The following TIMM13 variants were observed in gnomAD, a reference collection of about 807,000 sequenced individuals.
The protein encoded by TIMM13 is translocase of inner mitochondrial membrane 13, also known as mitochondrial import inner membrane translocase subunit Tim13.
A neutral mutation model predicts 10.9 loss-of-function variants in TIMM13; 8 were observed. The ratio of observed to expected loss-of-function variants is 0.73; its 90% CI spans 0.43 to 1.32. TIMM13 has a LOEUF of 1.32. Ranked by LOEUF, TIMM13 falls within the 40% of genes most tolerant of loss-of-function variation. TIMM13 has a pLI of 0.01. For missense variants in TIMM13, 147 were observed against 132.8 expected, an observed-to-expected ratio of 1.11 and a Z score of -0.53; for synonymous variants, 68 against 52.5, an observed-to-expected ratio of 1.30 and a Z score of -1.28.
At chr19:2,427,355 C>A (rs545812761) in intron 1 of TIMM13, 31 bp from the exon 2 acceptor site, 1 of 1,612,678 alleles carries the variant, frequency 6.2e-7, no homozygotes, top group Non-Finnish European at 8.5e-7. Flanking sequence ...TTAGCCGCGA[C>A]GTCGGCCCCC....
At chr19:2,427,145 C>T (rs1020517207) in intron 2 of TIMM13, 99 bp from the exon 3 acceptor site, 26 of 1,566,106 alleles carry the variant, frequency 1.7e-5, no homozygotes, top group Non-Finnish European at 1.8e-5. Flanking sequence ...AGACTACGCA[C>T]GTGCAGTGAC....
At chr19:2,427,390 G>A (rs749610407) in intron 1 of TIMM13, 24 bp downstream of exon 1, 2 of 1,611,808 alleles carry the variant, frequency 1.2e-6, no homozygotes, top group South Asian at 1.1e-5. Context: ...CGCCCCCAGC[G>A]CCCGTCCCCG....
In TIMM13 at chr19:2,426,418, C is replaced by T. The variant is rs1473240176; in HGVS notation, c.*530G>A. The T allele has an allele frequency of 6.2e-6, 2 of 323,532 alleles. No homozygotes were observed. Among genetic ancestry groups the T allele is most frequent in the African/African-American group, 4.5e-5 (2 of 44,746 alleles). 20.0% of individuals were successfully genotyped at this position (323,532 alleles called of 1,614,324 possible). On this transcript the variant is annotated 3_prime_UTR_variant, in exon 3 of 3. Coordinates refer to ENST00000215570, the MANE Select transcript of TIMM13 (RefSeq NM_012458.4). ...GCAGGGGTGGCAGCAGCAACACATT[C>T]CTCGTGACTCAGCAGCCCGGTGGCA...
rs776276203 is a variant in TIMM13, at chr19:2,425,913, T to C, written c.*1035A>G. The C allele has an allele frequency of 1.3e-6, 2 of 1,576,152 alleles. No homozygotes were observed. Among genetic ancestry groups the C allele is most frequent in the Admixed American group, 4.0e-5 (2 of 49,746 alleles). ...GTACCGGCCTCTGAACCCCCTTTCT[T>C]CTCTCCCCAACAGGGTGACGCTGGG... is the stretch of plus-strand genomic sequence containing the variant. On this transcript the variant is annotated 3_prime_UTR_variant, in exon 3 of 3. Transcript: ENST00000215570.
chr19:2,426,659 G>A lies in TIMM13; in HGVS notation c.*289C>T, dbSNP rs1971642824. 3.9e-6 allele frequency: 2 copies of A among 513,230 alleles called. No individual in the cohort carries two copies. Among genetic ancestry groups the A allele is most frequent in the African/African-American group, 3.9e-5 (2 of 51,656 alleles). 31.8% of individuals were successfully genotyped at this position (513,230 alleles called of 1,614,324 possible). On this transcript the variant is annotated 3_prime_UTR_variant, in exon 3 of 3. Coordinates refer to ENST00000215570, the MANE Select transcript of TIMM13 (RefSeq NM_012458.4). ...ACTCCGAAGTCCAGACAAGCTGTCCGCCCAGAATATGAGGCTGACTTGGGC... is the reference window on the plus strand; with the variant it reads ...ACTCCGAAGTCCAGACAAGCTGTCCACCCAGAATATGAGGCTGACTTGGGC...
At position 2,425,834 on chromosome 19, in the gene TIMM13, GTC is replaced by G; in HGVS notation, c.*1112_*1113del. On this transcript the variant is annotated 3_prime_UTR_variant, in exon 3 of 3. Transcript: ENST00000215570. ...AGTGAAAATGCGGCTCCCAGGGGAA[GTC>G]ACTAGGGTCACTCCTAGAGGGGCCA... 1 of 1,452,748 alleles carries G rather than the reference GTC, an allele frequency of 6.9e-7. No homozygotes were observed. The highest frequency in any genetic ancestry group is 9.1e-7 in the Non-Finnish European group (1 of 1,100,998). 90.0% of individuals were successfully genotyped at this position (1,452,748 alleles called of 1,614,324 possible).
Position 2,426,220 on chromosome 19 carries a change from G to C in TIMM13, c.*728C>G. ...GCTGTGGGTCATGGGGATGCATTTT[G>C]GTACCACCCTTTGTTCCAATAAACA... On this transcript the variant is annotated 3_prime_UTR_variant, in exon 3 of 3. Transcript: ENST00000215570. 3 of 1,193,272 alleles carry C rather than the reference G, an allele frequency of 2.5e-6. No homozygotes were observed. The highest frequency in any genetic ancestry group is 3.5e-6 in the Non-Finnish European group (3 of 867,090). 73.9% of individuals were successfully genotyped at this position (1,193,272 alleles called of 1,614,324 possible). A position where few individuals can be genotyped will look rare whatever the true frequency, so the allele number is the denominator to read the frequency against.
Position 2,427,185 on chromosome 19 carries a change from G to A in TIMM13, c.189+71C>T, listed in dbSNP as rs1599325879. 7 of 1,585,130 alleles carry A rather than the reference G, an allele frequency of 4.4e-6. No homozygotes were observed. The East Asian group carries it at 1.1e-4, about 26-fold the overall frequency. On this transcript the variant is annotated intron_variant, in intron 2 of 2. Coordinates refer to ENST00000215570, the MANE Select transcript of TIMM13 (RefSeq NM_012458.4). ...CCGTCGCACCTCCCCGTTAGTCTGCGCACGCGCAGACACCTCCCCCCTCGA... is the reference window on the plus strand; with the variant it reads ...CCGTCGCACCTCCCCGTTAGTCTGCACACGCGCAGACACCTCCCCCCTCGA...
chr19:2,427,353 G>A (rs1971664071), intron 1 of TIMM13, 29 bp from the exon 2 acceptor site: 1 of 1,612,814 alleles, frequency 6.2e-7, no homozygotes, highest in African/African-American at 1.3e-5. Flanking sequence ...CTTTAGCCGC[G>A]ACGTCGGCCC....
chr19:2,426,671 A>C lies in TIMM13; in HGVS notation c.*277T>G, dbSNP rs1313636646. On this transcript the variant is annotated 3_prime_UTR_variant, in exon 3 of 3. Coordinates refer to ENST00000215570, the MANE Select transcript of TIMM13 (RefSeq NM_012458.4). The stretch of plus-strand genomic sequence containing the variant: ...AGACAAGCTGTCCGCCCAGAATATG[A>C]GGCTGACTTGGGCACACTAGGGGAA... 1.9e-6 allele frequency: 1 copy of C among 536,280 alleles called. No homozygotes were observed. 33.2% of individuals were successfully genotyped at this position (536,280 alleles called of 1,614,324 possible). A position where few individuals can be genotyped will look rare whatever the true frequency, so the allele number is the denominator to read the frequency against.
chr19:2,425,777 T>C lies in TIMM13; in HGVS notation c.*1171A>G, dbSNP rs534837455. 4.9e-3 allele frequency: 6,194 copies of C among 1,265,706 alleles called. 19 individuals carry two copies. Among genetic ancestry groups the C allele is most frequent in the South Asian group, 7.7e-3 (488 of 63,212 alleles). 78.4% of individuals were successfully genotyped at this position (1,265,706 alleles called of 1,614,324 possible). A position where few individuals can be genotyped will look rare whatever the true frequency, so the allele number is the denominator to read the frequency against. On this transcript the variant is annotated 3_prime_UTR_variant, in exon 3 of 3. Transcript: ENST00000215570. ...CACGTGGCGGGTGTCCATAAATGTC[T>C]GCCACCTTTGCATTGAGCCCATTTT...
In TIMM13 at chr19:2,425,713, G is replaced by A; in HGVS notation, c.*1235C>T. 1.7e-6 allele frequency: 2 copies of A among 1,165,642 alleles called. No homozygotes were observed. Among genetic ancestry groups the A allele is most frequent in the Non-Finnish European group, 2.3e-6 (2 of 867,722 alleles). 72.2% of individuals were successfully genotyped at this position (1,165,642 alleles called of 1,614,324 possible). On this transcript the variant is annotated 3_prime_UTR_variant, in exon 3 of 3. Coordinates refer to ENST00000215570, the MANE Select transcript of TIMM13 (RefSeq NM_012458.4). ...TCCCCGGGCCTCGGCGGCAGAGCAG[G>A]CAGAGGCTGCAGTGGGAGGCACCGT...
In TIMM13 at chr19:2,425,728, G is replaced by C. The variant is rs1388568638; in HGVS notation, c.*1220C>G. ...GGCAGAGCAGGCAGAGGCTGCAGTG[G>C]GAGGCACCGTTCCACTCCGGGACCA... On this transcript the variant is annotated 3_prime_UTR_variant, in exon 3 of 3. Coordinates refer to ENST00000215570, the MANE Select transcript of TIMM13 (RefSeq NM_012458.4). The C allele has an allele frequency of 1.7e-6, 2 of 1,144,380 alleles. No homozygotes were observed. Among genetic ancestry groups the C allele is most frequent in the Non-Finnish European group, 2.4e-6 (2 of 845,390 alleles). The allele number at this position is 1,144,380 out of a possible 1,614,324, so 70.9% of individuals were successfully genotyped here. A position where few individuals can be genotyped will look rare whatever the true frequency, so the allele number is the denominator to read the frequency against.
In TIMM13 at chr19:2,427,447, C is replaced by T. The variant is rs767918621; in HGVS notation, c.87G>A (p.Gln29=). The T allele has an allele frequency of 1.9e-6, 3 of 1,612,776 alleles. No individual in the cohort carries two copies. In the African/African-American group the frequency reaches 4.0e-5, roughly 22 times the overall value. ...PGLIMEQVKV[Q]IAVANAQELL... is the part of the protein sequence containing the mutation. The stretch of plus-strand genomic sequence containing the variant: ...GCTCCTGCGCGTTGGCCACGGCGAT[C>T]TGCACTTTCACCTGCTCCATTATGA... Residue 29 remains glutamine (Q), a synonymous_variant, in exon 1 of 3, where the codon CAG becomes CAA. Coordinates refer to ENST00000215570, the MANE Select transcript of TIMM13 (RefSeq NM_012458.4).
Position 2,426,780 on chromosome 19 carries a change from G to T in TIMM13, c.*168C>A. 1 of 709,562 alleles carries T rather than the reference G, an allele frequency of 1.4e-6. No individual in the cohort carries two copies. The highest frequency in any genetic ancestry group is 2.4e-6 in the Non-Finnish European group (1 of 416,282). The allele number at this position is 709,562 out of a possible 1,614,324, so 44.0% of individuals were successfully genotyped here. A position where few individuals can be genotyped will look rare whatever the true frequency, so the allele number is the denominator to read the frequency against. On this transcript the variant is annotated 3_prime_UTR_variant, in exon 3 of 3. Transcript: ENST00000215570. ...GCCCCACACCCCCGAGATCCAAGCTGCACTGGCTGGCAGGGGGCAGGGCGG... is the reference window on the plus strand; with the variant it reads ...GCCCCACACCCCCGAGATCCAAGCTTCACTGGCTGGCAGGGGGCAGGGCGG...
Position 2,427,365 on chromosome 19 carries a change from C to T in TIMM13, c.121-41G>A, listed in dbSNP as rs200036326. On this transcript the variant is annotated intron_variant, in intron 1 of 2. Coordinates refer to ENST00000215570, the MANE Select transcript of TIMM13 (RefSeq NM_012458.4). Reference sequence around the variant, plus strand: ...AGGCTTTAGCCGCGACGTCGGCCCCCAGGGGTGGCCCTGTCGCCCCCAGCG... The same window carrying T: ...AGGCTTTAGCCGCGACGTCGGCCCCTAGGGGTGGCCCTGTCGCCCCCAGCG... The T allele has an allele frequency of 2.7e-5, 44 of 1,612,236 alleles. No homozygotes were observed. The Middle Eastern group carries it at 4.9e-4, about 18-fold the overall frequency.
Position 2,425,945 on chromosome 19 carries a change from C to T in TIMM13, c.*1003G>A. 5 of 1,600,478 alleles carry T rather than the reference C, an allele frequency of 3.1e-6. No homozygotes were observed. The highest frequency in any genetic ancestry group is 3.4e-6 in the Non-Finnish European group (4 of 1,175,706). ...CCAACAGGGTGACGCTGGGGGACCCCTGGCCTGCAGGGAGCCCTCTGGACG... is the reference window on the plus strand; with the variant it reads ...CCAACAGGGTGACGCTGGGGGACCCTTGGCCTGCAGGGAGCCCTCTGGACG... On this transcript the variant is annotated 3_prime_UTR_variant, in exon 3 of 3. Transcript: ENST00000215570.
chr19:2,426,971 G>A lies in TIMM13; in HGVS notation c.265C>T (p.Gln89Ter). 3 of 1,601,150 alleles carry A rather than the reference G, an allele frequency of 1.9e-6. No homozygotes were observed. The highest frequency in any genetic ancestry group is 2.6e-6 in the Non-Finnish European group (3 of 1,174,806). ...TVSRAYNSRL[Q>*]RERANM ...GGTCACATGTTGGCTCGTTCCCGCT[G>A]CAGCCGCGAGTTGTAGGCGCGAGAC... Residue 89 changes from glutamine to a stop codon, truncating the protein, a stop_gained, in exon 3 of 3, where the codon CAG (glutamine) becomes TAG (stop). Coordinates refer to ENST00000215570, the MANE Select transcript of TIMM13 (RefSeq NM_012458.4). LOFTEE classifies it high-confidence loss of function.
chr19:2,427,218 C>T (rs752199316), intron 2 of TIMM13, 38 bp downstream of exon 2: 1 of 1,607,930 alleles, frequency 6.2e-7, no homozygotes, highest in Non-Finnish European at 8.5e-7. Flanking sequence ...CGAATCTAGG[C>T]CCTCGCGACC....
Sources: gnomAD v4.1 joint callset for allele counts on GRCh38, gnomAD v4.1.1 for gene constraint, MANE v1.5 for transcripts, NCBI Gene and HGNC (gene_info 2026-07-23, HGNC 2026-07-21) for gene names.